CSNK1G1: variants seen among roughly 807,000 people sequenced by gnomAD.
The protein encoded by CSNK1G1 is casein kinase I isoform gamma-1.
Under a neutral mutation model 59.6 loss-of-function variants are expected in CSNK1G1, and 22 were observed. That is an observed-to-expected ratio of 0.37 (90% confidence interval 0.26 to 0.53). The LOEUF (loss-of-function observed/expected upper bound fraction) is 0.53, where lower values mean the gene tolerates loss of function less well. CSNK1G1 is among the 20% of genes least tolerant of loss of function. The probability of loss-of-function intolerance (pLI) is 0.89; values close to 1 mark genes in which losing one functional copy is unlikely to be tolerated. For synonymous variants in CSNK1G1, 179 were observed against 177.1 expected (o/e 1.01, Z -0.08); for missense variants, 384 against 519.5 (o/e 0.74, Z 2.54).
intron 6 of CSNK1G1, 113 bp downstream of exon 6, chr15:64,213,777 C>T (rs568087480): frequency 1.3e-6 from 1 of 745,090 alleles, no homozygotes; most frequent in South Asian, 1.8e-5. Flanking sequence ...AATCACTCAA[C>T]CTTGTGAAAC....
In CSNK1G1 at chr15:64,171,612, A is replaced by G; in HGVS notation, c.*319T>C. ...GTAAACTAAGGGGAAGAAGGAGAAT[A>G]GCAGTCCTTGAGTTTTTGTGAATGA... On this transcript the variant is annotated 3_prime_UTR_variant, in exon 12 of 12. Transcript: ENST00000303052. The surrounding 1 kb of genome is among the most constrained non-coding windows in gnomAD (Gnocchi z 4.8). The G allele has an allele frequency of 2.6e-6, 1 of 384,830 alleles. No homozygotes were observed. Among genetic ancestry groups the G allele is most frequent in the Non-Finnish European group, 4.8e-6 (1 of 209,424 alleles). The allele number at this position is 384,830 out of a possible 1,614,324, so 23.8% of individuals were successfully genotyped here. A position where few individuals can be genotyped will look rare whatever the true frequency, so the allele number is the denominator to read the frequency against.
chr15:64,288,006 C>CT (rs1894520864), intron 2 of CSNK1G1, among the ~76,000 whole-genome samples: 1 of 152,096 alleles, frequency 6.6e-6, no homozygotes, highest in Non-Finnish European at 1.5e-5. Context: ...TGGTAAATGA[C>CT]TTAGCAAAAC....
At chr15:64,308,124 G>A (rs1895786535) in intron 1 of CSNK1G1, among the ~76,000 whole-genome samples, 1 of 152,130 alleles carries the variant, frequency 6.6e-6, no homozygotes, top group Non-Finnish European at 1.5e-5. Flanking sequence ...CTCTGGAAAT[G>A]ACTGGATCCT....
intron 1 of CSNK1G1, among the ~76,000 whole-genome samples, chr15:64,326,451 C>T (rs1896840275): frequency 6.6e-6 from 1 of 152,096 alleles, no homozygotes; most frequent in East Asian, 1.9e-4. Context: ...CGAGATCAGC[C>T]TTGCCAACAT....
chr15:64,335,563 C>T (rs560427148), intron 1 of CSNK1G1, among the ~76,000 whole-genome samples: 1 of 152,278 alleles, frequency 6.6e-6, no homozygotes, highest in African/African-American at 2.4e-5. Context: ...TCACTATCTA[C>T]CTCCTAAAGA....
chr15:64,261,936 C>T (rs975580409), intron 2 of CSNK1G1, among the ~76,000 whole-genome samples: 16 of 48,178 alleles, frequency 3.3e-4, no homozygotes, highest in Non-Finnish European at 5.5e-4. Context: ...AGCAAGACTC[C>T]GTCTCAAAAA....
At chr15:64,282,634 T>A (rs1456196822) in intron 2 of CSNK1G1, among the ~76,000 whole-genome samples, 4 of 152,248 alleles carry the variant, frequency 2.6e-5, no homozygotes, top group Admixed American at 6.5e-5. Context: ...GTAGTATGTA[T>A]CTTTATTCAT....
At chr15:64,252,796 C>A (rs930281868) in intron 3 of CSNK1G1, among the ~76,000 whole-genome samples, 1 of 152,188 alleles carries the variant, frequency 6.6e-6, no homozygotes, top group Non-Finnish European at 1.5e-5. Flanking sequence ...AACAACCATA[C>A]TTTGCTCTAT....
At chr15:64,255,308 C>T (rs1892315049) in intron 3 of CSNK1G1, among the ~76,000 whole-genome samples, 1 of 152,110 alleles carries the variant, frequency 6.6e-6, no homozygotes. Flanking sequence ...AACTCCTGAC[C>T]TCGTAATCCA....
At chr15:64,191,014 A>G (rs1336087289) in intron 10 of CSNK1G1, among the ~76,000 whole-genome samples, 1 of 152,156 alleles carries the variant, frequency 6.6e-6, no homozygotes. Flanking sequence ...TACATACTAA[A>G]TGCAATTACA....
intron 1 of CSNK1G1, among the ~76,000 whole-genome samples, chr15:64,327,139 C>G (rs1227891281): frequency 6.6e-6 from 1 of 152,218 alleles, no homozygotes; most frequent in Non-Finnish European, 1.5e-5. Flanking sequence ...GTAAACAAAG[C>G]AGCCGGGAAG....
chr15:64,259,479 C>G (rs1428610207), intron 2 of CSNK1G1, among the ~76,000 whole-genome samples: 2 of 133,568 alleles, frequency 1.5e-5, no homozygotes, highest in Admixed American at 1.6e-4. Flanking sequence ...AAACAAATCT[C>G]TCTTACACAC....
At chr15:64,312,112 A>G (rs1596260888) in intron 1 of CSNK1G1, among the ~76,000 whole-genome samples, 1 of 152,338 alleles carries the variant, frequency 6.6e-6, no homozygotes, top group East Asian at 1.9e-4. Flanking sequence ...AAGAGAGGAC[A>G]CAAATGGAAA....
intron 1 of CSNK1G1, among the ~76,000 whole-genome samples, chr15:64,329,301 GAACAGA>G (rs1472710911): frequency 2.0e-5 from 3 of 151,526 alleles, no homozygotes; most frequent in African/African-American, 7.3e-5. Context: ...AAATGTAAAA[GAACAGA>G]AATTACAACA....
At chr15:64,278,521 C>T (rs866651445) in intron 2 of CSNK1G1, among the ~76,000 whole-genome samples, 2 of 151,602 alleles carry the variant, frequency 1.3e-5, no homozygotes, top group Non-Finnish European at 2.9e-5. Flanking sequence ...CTCCGCCTCC[C>T]GGGTTCAAGC....
At chr15:64,259,107 G>A in intron 3 of CSNK1G1, 94 bp downstream of exon 3, 2 of 1,063,362 alleles carry the variant, frequency 1.9e-6, no homozygotes, top group Non-Finnish European at 2.7e-6. Flanking sequence ...ACCATTAGCA[G>A]TTTTGCGAAT....
At chr15:64,191,535 G>C (rs1442562929) in intron 10 of CSNK1G1, among the ~76,000 whole-genome samples, 1 of 152,158 alleles carries the variant, frequency 6.6e-6, no homozygotes, top group Non-Finnish European at 1.5e-5. Flanking sequence ...ACAGGGCTAT[G>C]TGGTTCTTTA....
At position 64,182,653 on chromosome 15, in the gene CSNK1G1, G is replaced by A. The variant is rs571501212; in HGVS notation, c.1108-2199C>T. 2.6e-5 allele frequency among the ~76,000 whole-genome samples: 4 copies of A among 152,180 alleles called. No individual in the cohort carries two copies. In the South Asian group the frequency reaches 8.3e-4, roughly 32 times the overall value. ...AGAAGATACAGGCTGAAGTACTTTG[G>A]GATAAGATATAATGATGTCTGCAAC... On this transcript the variant is annotated intron_variant, in intron 10 of 11. Transcript: ENST00000303052.
chr15:64,249,847 A>AT (rs974823515), intron 4 of CSNK1G1, among the ~76,000 whole-genome samples: 3 of 151,946 alleles, frequency 2.0e-5, no homozygotes, highest in Middle Eastern at 3.2e-3. Context: ...AATACATTAG[A>AT]TTTTTTTTGG....
Sources: gnomAD v4.1 joint callset for allele counts (sites outside exome capture counted in the v4.1 genomes callset) on GRCh38, gnomAD v4.1.1 for gene constraint, Gnocchi (gnomAD v3.1) non-coding constraint, MANE v1.5 for transcripts, NCBI Gene and HGNC (gene_info 2026-07-23, HGNC 2026-07-21) for gene names.